NTRK3: variants seen among roughly 807,000 people sequenced by gnomAD.
NTRK3 encodes neurotrophic receptor tyrosine kinase 3.
NTRK3 carries 24 observed loss-of-function variants against 91.7 expected under a neutral mutation model. That is an observed-to-expected ratio of 0.26 (90% CI 0.19 to 0.37). The LOEUF (loss-of-function observed/expected upper bound fraction) is 0.37. Among genes scored for constraint, NTRK3 ranks in the 10% least tolerant of loss-of-function variants. The pLI, the probability that NTRK3 is intolerant of heterozygous loss-of-function variation, is 1.00. For synonymous variants in NTRK3, 483 were observed against 404.0 expected (o/e 1.20, Z -2.34); for missense variants, 880 against 1,068.9 (o/e 0.82, Z 2.46).
At chr15:88,220,573 G>A (rs1378726813) in intron 3 of NTRK3, among the ~76,000 whole-genome samples, 1 of 152,202 alleles carries the variant, frequency 6.6e-6, no homozygotes, top group Admixed American at 6.5e-5. Flanking sequence ...GAATGAAATG[G>A]GTCAGAGATG....
intron 5 of NTRK3, among the ~76,000 whole-genome samples, chr15:88,151,182 C>G (rs74027774): frequency 0.018 from 2,802 of 152,244 alleles, 79 homozygotes; most frequent in African/African-American, 0.062. Context: ...GCATCAAACT[C>G]TTCCGCAAAA....
intron 14 of NTRK3, 52 bp downstream of exon 14, chr15:88,032,805 A>G (rs2142015240): frequency 2.5e-6 from 4 of 1,606,322 alleles, no homozygotes; most frequent in Non-Finnish European, 3.4e-6. Context: ...ATGGTCTATC[A>G]CCAACCACCC....
At chr15:88,182,531 C>A (rs767266319) in intron 5 of NTRK3, among the ~76,000 whole-genome samples, 1 of 152,206 alleles carries the variant, frequency 6.6e-6, no homozygotes, top group Non-Finnish European at 1.5e-5. Flanking sequence ...TCCACTTTCT[C>A]CCCAAAGGCA....
chr15:88,206,890 A>G (rs1369897639), intron 3 of NTRK3, among the ~76,000 whole-genome samples: 2 of 152,104 alleles, frequency 1.3e-5, no homozygotes, highest in Admixed American at 1.3e-4. Flanking sequence ...TCTCCCTGAG[A>G]CTGTCCCCAG....
chr15:88,238,955 TC>T (rs1380129378), intron 3 of NTRK3, among the ~76,000 whole-genome samples: 1 of 152,226 alleles, frequency 6.6e-6, no homozygotes, highest in African/African-American at 2.4e-5. Context: ...GGTCTCCATT[TC>T]CTCATCTGTC....
intron 10 of NTRK3, among the ~76,000 whole-genome samples, chr15:88,130,727 C>G (rs1408539470): frequency 6.6e-6 from 1 of 152,140 alleles, no homozygotes; most frequent in African/African-American, 2.4e-5. Flanking sequence ...GTTCCAAGAT[C>G]ATGAAAGACA....
At chr15:87,933,294 G>T in intron 15 of NTRK3, 110 bp from the exon 16 acceptor site, 1 of 1,008,244 alleles carries the variant, frequency 9.9e-7, no homozygotes, top group East Asian at 2.5e-5. Context: ...CAATAAATAT[G>T]AATCTAAATG....
Position 87,965,535 on chromosome 15 carries a change from TGC to T in NTRK3, c.1586-24784_1586-24783del, listed in dbSNP as rs1288553569. On this transcript the variant is annotated intron_variant, in intron 14 of 18. Coordinates refer to ENST00000394480, the Ensembl canonical transcript of NTRK3. ...CAACTGGGTGGGCCTGTAAGAGCAT[TGC>T]CCCAGTGTGGAGACTGTCCAGCAGG... 3.9e-5 allele frequency among the ~76,000 whole-genome samples: 6 copies of T among 152,252 alleles called. No individual in the cohort carries two copies. The East Asian group carries it at 1.2e-3, about 29-fold the overall frequency.
chr15:88,215,700 C>T (rs1318963940), intron 3 of NTRK3, among the ~76,000 whole-genome samples: 1 of 152,222 alleles, frequency 6.6e-6, no homozygotes, highest in Non-Finnish European at 1.5e-5. Context: ...TTGGTCACCT[C>T]TGGTGAGAGA....
chr15:88,015,785 T>C (rs1347405342), intron 14 of NTRK3, among the ~76,000 whole-genome samples: 16 of 152,202 alleles, frequency 1.1e-4, no homozygotes. Context: ...ATCATCTTTG[T>C]ACTCAGTTTT....
chr15:88,041,121 G>A (rs1006527701), intron 13 of NTRK3, among the ~76,000 whole-genome samples: 2 of 152,186 alleles, frequency 1.3e-5, no homozygotes, highest in African/African-American at 2.4e-5. Flanking sequence ...TACAGAAGGC[G>A]ATATGCCAGC....
chr15:88,249,516 C>A (rs1286336833), intron 3 of NTRK3, among the ~76,000 whole-genome samples: 1 of 152,138 alleles, frequency 6.6e-6, no homozygotes, highest in African/African-American at 2.4e-5. Flanking sequence ...ACCCAGGGAC[C>A]CCGGCTGAGT....
Position 88,243,602 on chromosome 15 carries a change from C to A in NTRK3, c.248+12304G>T, listed in dbSNP as rs2052571215. Reference sequence around the variant, plus strand: ...CTGAGCAAAAGGTATTCAATCATGTCTGACACTCAAATTTAAGCTAAAAGA... The same window carrying A: ...CTGAGCAAAAGGTATTCAATCATGTATGACACTCAAATTTAAGCTAAAAGA... On this transcript the variant is annotated intron_variant, in intron 3 of 18. Coordinates refer to ENST00000394480, the Ensembl canonical transcript of NTRK3. The surrounding 1 kb of genome is among the most constrained non-coding windows in gnomAD (Gnocchi z 4.8). 6.6e-6 allele frequency among the ~76,000 whole-genome samples: 1 copy of A among 151,850 alleles called. No individual in the cohort carries two copies. The highest frequency in any genetic ancestry group is 1.5e-5 in the Non-Finnish European group (1 of 68,020).
rs1397843265 is a variant in NTRK3, at chr15:88,255,940, T to G, written c.214A>C (p.Asn72His). 1 of 1,613,190 alleles carries G rather than the reference T, an allele frequency of 6.2e-7. No individual in the cohort carries two copies. The highest frequency in any genetic ancestry group is 8.5e-7 in the Non-Finnish European group (1 of 1,179,476). Residue 72 changes from asparagine (N) to histidine (H), a missense_variant, in exon 3 of 19, where the codon AAC (asparagine) becomes CAC (histidine). By Grantham distance (68) the Asn-to-His change is moderately conservative (BLOSUM62 1). This residue lies in a region of NTRK3 where 743 missense variants were observed against 868.6 expected (regional missense o/e 0.86). Coordinates refer to ENST00000394480, the Ensembl canonical transcript of NTRK3. The surrounding 1 kb of genome is among the most constrained non-coding windows in gnomAD (Gnocchi z 4.3). ...ATATTCCTTGAGATGTCCGTGATGT[T>G]GATACTGGCGTTCCCATTGCTGTTC... is the stretch of plus-strand genomic sequence containing the variant.
chr15:88,229,843 G>A (rs2051018790), intron 3 of NTRK3, among the ~76,000 whole-genome samples: 1 of 152,248 alleles, frequency 6.6e-6, no homozygotes, highest in Non-Finnish European at 1.5e-5. Context: ...GTAGCCCAGG[G>A]AACATGGAGC....
At chr15:88,227,532 G>A (rs535146584) in intron 3 of NTRK3, among the ~76,000 whole-genome samples, 5 of 152,242 alleles carry the variant, frequency 3.3e-5, no homozygotes, top group East Asian at 1.9e-4. Flanking sequence ...GGATGACCAG[G>A]TGAAGGGGCA....
At chr15:88,114,205 G>A (rs541675148) in intron 13 of NTRK3, among the ~76,000 whole-genome samples, 44 of 152,286 alleles carry the variant, frequency 2.9e-4, no homozygotes, top group African/African-American at 1.0e-3. Flanking sequence ...ACTGAGGGAG[G>A]AACAGCTCCC....
At chr15:88,176,136 CTTTTT>C (rs139583264) in intron 5 of NTRK3, among the ~76,000 whole-genome samples, 1 of 116,098 alleles carries the variant, frequency 8.6e-6, no homozygotes, top group Non-Finnish European at 1.7e-5. Flanking sequence ...TATGCCCCTT[CTTTTT>C]TTTTTTTTTT....
intron 17 of NTRK3, among the ~76,000 whole-genome samples, chr15:87,912,931 A>AAAT (rs1484111389): frequency 2.7e-5 from 1 of 36,502 alleles, no homozygotes; most frequent in Non-Finnish European, 4.7e-5. Flanking sequence ...AGTAAAAAAA[A>AAAT]ATATATATAT....
Sources: gnomAD v4.1 joint callset for allele counts (sites outside exome capture counted in the v4.1 genomes callset) on GRCh38, gnomAD v4.1.1 for gene constraint, gnomAD v4.1.1 regional missense constraint, Gnocchi (gnomAD v3.1) non-coding constraint, MANE v1.5 for transcripts, NCBI Gene and HGNC (gene_info 2026-07-23, HGNC 2026-07-21) for gene names.